The following NCAM2 variants were observed in gnomAD, a reference collection of about 807,000 sequenced individuals.
NCAM2 encodes the protein N-CAM-2.
NCAM2 carries 30 observed loss-of-function variants against 98.1 expected under a neutral mutation model. The observed-to-expected ratio is 0.31, with a 90% CI of 0.23 to 0.41. NCAM2 has a LOEUF of 0.41. Ranked by LOEUF, NCAM2 falls within the 10% of genes least tolerant of loss-of-function variation. The pLI is 1.00. For missense variants in NCAM2, 867 were observed against 1,005.8 expected, an observed-to-expected ratio of 0.86 and a Z score of 1.87; for synonymous variants, 368 against 342.4, an observed-to-expected ratio of 1.07 and a Z score of -0.83.
chr21:21,453,125 A>AAT, intron 12 of NCAM2, among the ~76,000 whole-genome samples: 1 of 137,002 alleles, frequency 7.3e-6, no homozygotes, highest in Non-Finnish European at 1.5e-5. Flanking sequence ...ATAATAACAA[A>AAT]ATATATATAG....
chr21:21,522,152 AATACT>A (rs1163773272), intron 16 of NCAM2, among the ~76,000 whole-genome samples: 1 of 148,072 alleles, frequency 6.8e-6, no homozygotes, highest in Non-Finnish European at 1.5e-5. Flanking sequence ...TATATGAATG[AATACT>A]ATATATATGA....
intron 1 of NCAM2, among the ~76,000 whole-genome samples, chr21:21,233,504 A>G (rs1279922050): frequency 6.6e-6 from 1 of 151,652 alleles, no homozygotes; most frequent in Non-Finnish European, 1.5e-5. Context: ...AGACATTTTA[A>G]TCAAATTAAT....
rs576975224 is a variant in NCAM2, at chr21:21,458,053, C to T, written c.1655-8553C>T. 6.6e-5 allele frequency among the ~76,000 whole-genome samples: 10 copies of T among 152,292 alleles called. No individual in the cohort carries two copies. The South Asian group carries it at 1.9e-3, about 28-fold the overall frequency. On this transcript the variant is annotated intron_variant, in intron 12 of 17. Transcript: ENST00000400546. Reference sequence around the variant, plus strand: ...CAAAGATAATTAGAGCTGCCACTCCCATCACAGGATCAGGGTTCAGGTGCC... The same window carrying T: ...CAAAGATAATTAGAGCTGCCACTCCTATCACAGGATCAGGGTTCAGGTGCC...
chr21:21,524,772 C>G (rs1989233868), intron 16 of NCAM2, among the ~76,000 whole-genome samples: 1 of 152,036 alleles, frequency 6.6e-6, no homozygotes, highest in Non-Finnish European at 1.5e-5. Flanking sequence ...GGTCATATGA[C>G]ACACTTTAAA....
chr21:21,084,243 C>T (rs767263976), intron 1 of NCAM2, among the ~76,000 whole-genome samples: 1 of 152,152 alleles, frequency 6.6e-6, no homozygotes, highest in African/African-American at 2.4e-5. Context: ...GGCCCCTCCT[C>T]CTAACACCCT....
intron 1 of NCAM2, among the ~76,000 whole-genome samples, chr21:21,224,967 G>A (rs1248091770): frequency 6.6e-6 from 1 of 152,224 alleles, no homozygotes; most frequent in South Asian, 2.1e-4. Flanking sequence ...TACAGTTTTT[G>A]CAGAGGACTT....
rs528047190 is a variant in NCAM2 at position 21,182,208 on chromosome 21, G to A, written c.56-98370G>A. On this transcript the variant is annotated intron_variant, in intron 1 of 17. Coordinates refer to ENST00000400546, the MANE Select transcript of NCAM2 (RefSeq NM_004540.5). Reference sequence around the variant, plus strand: ...ATATTTAACAAATATATTTTAACTGGTATTGATATAAACCTTCCCATGTTG... The same window carrying A: ...ATATTTAACAAATATATTTTAACTGATATTGATATAAACCTTCCCATGTTG... 3.0e-4 allele frequency among the ~76,000 whole-genome samples: 46 copies of A among 152,046 alleles called. 1 individual carries two copies. In the South Asian group the frequency reaches 5.8e-3, roughly 19 times the overall value.
chr21:21,317,184 C>T (rs1044177871), intron 5 of NCAM2, among the ~76,000 whole-genome samples: 34 of 152,104 alleles, frequency 2.2e-4, no homozygotes. Context: ...TTCACTCTTC[C>T]AGGAGTTTCC....
intron 9 of NCAM2, among the ~76,000 whole-genome samples, chr21:21,403,178 CTTG>C (rs1389030294): frequency 6.6e-6 from 1 of 152,044 alleles, no homozygotes; most frequent in Non-Finnish European, 1.5e-5. Context: ...TCTCCAGATT[CTTG>C]TTGTAAGACT....
intron 1 of NCAM2, among the ~76,000 whole-genome samples, chr21:21,105,619 T>TG (rs1318619828): frequency 3.3e-5 from 5 of 152,188 alleles, no homozygotes; most frequent in African/African-American, 4.8e-5. Context: ...TCATTAGTAT[T>TG]GGCAAAAACA....
chr21:21,402,112 C>T (rs1444373318), intron 9 of NCAM2, among the ~76,000 whole-genome samples: 1 of 152,042 alleles, frequency 6.6e-6, no homozygotes, highest in Non-Finnish European at 1.5e-5. Flanking sequence ...TGAAAATGAA[C>T]AGAATAACAG....
At chr21:21,229,325 T>C (rs1027508420) in intron 1 of NCAM2, among the ~76,000 whole-genome samples, 4 of 151,618 alleles carry the variant, frequency 2.6e-5, no homozygotes, top group African/African-American at 9.7e-5. Flanking sequence ...TCTCATTTCA[T>C]AGTGTTGACT....
At chr21:21,503,991 TTTAAATAGTTG>T (rs1479971444) in intron 15 of NCAM2, among the ~76,000 whole-genome samples, 1 of 151,958 alleles carries the variant, frequency 6.6e-6, no homozygotes, top group Non-Finnish European at 1.5e-5. Flanking sequence ...ATGTTTTTCA[TTTAAATAGTTG>T]TTAAATAGTT....
At chr21:21,501,522 T>C (rs1235936900) in intron 15 of NCAM2, among the ~76,000 whole-genome samples, 2 of 152,122 alleles carry the variant, frequency 1.3e-5, no homozygotes, top group East Asian at 3.9e-4. Context: ...ATTTTATTAA[T>C]TCTATTTTAG....
At chr21:21,352,826 TAA>T (rs377003114) in intron 8 of NCAM2, among the ~76,000 whole-genome samples, 2,893 of 135,114 alleles carry the variant, frequency 0.021, 46 homozygotes, top group South Asian at 0.089. Flanking sequence ...ATTAGAAAAT[TAA>T]AAAAAAAAAA....
intron 1 of NCAM2, among the ~76,000 whole-genome samples, chr21:21,217,468 G>A (rs2069951604): frequency 6.6e-6 from 1 of 152,082 alleles, no homozygotes; most frequent in African/African-American, 2.4e-5. Context: ...TGTTGCAGAA[G>A]TGAAAGTTTG....
intron 8 of NCAM2, among the ~76,000 whole-genome samples, chr21:21,366,557 AG>A (rs1186562495): frequency 6.6e-6 from 1 of 152,068 alleles, no homozygotes; most frequent in Non-Finnish European, 1.5e-5. Flanking sequence ...TCAATACAAA[AG>A]TCTGTAGGTC....
chr21:21,294,240 A>G (rs6518099), intron 5 of NCAM2, among the ~76,000 whole-genome samples: 126,431 of 151,612 alleles, frequency 0.83, 53,029 homozygotes, highest in East Asian at 0.99. Flanking sequence ...CATTTTAAAG[A>G]AATGATTATT....
rs114954760 is a variant in NCAM2 at position 21,218,234 on chromosome 21, T to A, written c.56-62344T>A. 5.7e-3 allele frequency among the ~76,000 whole-genome samples: 865 copies of A among 152,290 alleles called. 12 individuals carry two copies. The highest frequency in any genetic ancestry group is 0.02 in the African/African-American group (830 of 41,564). On this transcript the variant is annotated intron_variant, in intron 1 of 17. Transcript: ENST00000400546. ...GCCTATTAGCTGATCCAAGAGCTGTTCAAACAGTCCAGTGCGCAGTAAAGT... is the reference window on the plus strand; with the variant it reads ...GCCTATTAGCTGATCCAAGAGCTGTACAAACAGTCCAGTGCGCAGTAAAGT...
Sources: gnomAD v4.1 joint callset for allele counts (sites outside exome capture counted in the v4.1 genomes callset) on GRCh38, gnomAD v4.1.1 for gene constraint, MANE v1.5 for transcripts, NCBI Gene and HGNC (gene_info 2026-07-23, HGNC 2026-07-21) for gene names.